The following SLC39A11 variants were observed in gnomAD, a reference collection of about 807,000 sequenced individuals.
The protein encoded by SLC39A11 is solute carrier family 39 member 11.
A neutral mutation model predicts 36.1 loss-of-function variants in SLC39A11; 33 were observed. The ratio of observed to expected loss-of-function variants is 0.91; its 90% CI spans 0.69 to 1.22. The LOEUF is 1.22. Among genes scored for constraint, SLC39A11 ranks in the 50% most tolerant of loss-of-function variants. The pLI, the probability that SLC39A11 is intolerant of heterozygous loss-of-function variation, is 0.00. For missense variants in SLC39A11, 432 were observed against 430.3 expected, an observed-to-expected ratio of 1.00 and a Z score of -0.03; for synonymous variants, 166 against 170.3, an observed-to-expected ratio of 0.97 and a Z score of 0.20.
In SLC39A11 at chr17:72,927,685, C is replaced by T. The variant is rs1567968262; in HGVS notation, c.430+20067G>A. Among the ~76,000 whole-genome samples, 8 of 152,122 alleles carry T rather than the reference C, an allele frequency of 5.3e-5. No individual in the cohort carries two copies. The South Asian group carries it at 1.7e-3, about 32-fold the overall frequency. On this transcript the variant is annotated intron_variant, in intron 5 of 9. Transcript: ENST00000255559. ...AGTGTGTGCTTCCAATGCATAATTA[C>T]CTTTCATTTTCCCATAGAATTTCAG...
At chr17:72,786,420 T>C (rs1428600714) in intron 6 of SLC39A11, among the ~76,000 whole-genome samples, 1 of 152,210 alleles carries the variant, frequency 6.6e-6, no homozygotes, top group Non-Finnish European at 1.5e-5. Flanking sequence ...AAATGTGCTA[T>C]ATACCCTCCC....
intron 6 of SLC39A11, among the ~76,000 whole-genome samples, chr17:72,738,149 C>T (rs1568009090): frequency 6.6e-6 from 1 of 152,060 alleles, no homozygotes; most frequent in South Asian, 2.1e-4. Flanking sequence ...GGACTACAGG[C>T]GCCCGCTACC....
intron 4 of SLC39A11, among the ~76,000 whole-genome samples, chr17:73,001,810 C>T (rs2089839429): frequency 6.6e-6 from 1 of 152,088 alleles, no homozygotes; most frequent in African/African-American, 2.4e-5. Context: ...ACTCAGAGCC[C>T]ACAGGTCCCC....
intron 6 of SLC39A11, among the ~76,000 whole-genome samples, chr17:72,743,748 G>C (rs141863888): frequency 3.9e-5 from 6 of 152,274 alleles, no homozygotes; most frequent in East Asian, 1.9e-4. Flanking sequence ...GAACTCACTG[G>C]GGGGAAAAGG....
Position 72,947,908 on chromosome 17 carries a change from C to T in SLC39A11, c.307-33G>A, listed in dbSNP as rs201076574. ...AAGAAGCGGTAACATCACTAGAGCACCACTACTGTGTTAATTCCCCAGATG... is the reference window on the plus strand; with the variant it reads ...AAGAAGCGGTAACATCACTAGAGCATCACTACTGTGTTAATTCCCCAGATG... On this transcript the variant is annotated intron_variant, in intron 4 of 9. Transcript: ENST00000255559. 1.4e-4 allele frequency: 219 copies of T among 1,610,184 alleles called. No individual in the cohort carries two copies. The African/African-American group carries it at 2.6e-3, about 19-fold the overall frequency.
At chr17:72,764,211 G>C in intron 6 of SLC39A11, among the ~76,000 whole-genome samples, 1 of 152,026 alleles carries the variant, frequency 6.6e-6, no homozygotes, top group East Asian at 1.9e-4. Flanking sequence ...TCCCTGTGGC[G>C]GAGGGAGGAG....
chr17:73,050,128 G>GCAAA (rs1314151754), intron 3 of SLC39A11, among the ~76,000 whole-genome samples: 4 of 151,874 alleles, frequency 2.6e-5, no homozygotes, highest in Admixed American at 1.3e-4. Context: ...CTATTTAAAA[G>GCAAA]CAAACAAACA....
intron 5 of SLC39A11, among the ~76,000 whole-genome samples, chr17:72,885,201 C>A (rs990669165): frequency 2.6e-5 from 4 of 152,162 alleles, no homozygotes; most frequent in Non-Finnish European, 5.9e-5. Flanking sequence ...GACAGCTATT[C>A]CTCAGTTTTT....
chr17:73,057,646 T>C (rs886779178), intron 3 of SLC39A11, among the ~76,000 whole-genome samples: 3 of 152,170 alleles, frequency 2.0e-5, no homozygotes, highest in South Asian at 4.1e-4. Flanking sequence ...AGTTAGAAAA[T>C]GCAGGCTGAG....
rs749916210 is a variant in SLC39A11, at chr17:72,874,474, G to A, written c.431-24670C>T. ...TGAGGCGTCCATCTGCAAGGCTGTC[G>A]CAGGGATGCTGAGCAAAGCTGACAC... On this transcript the variant is annotated intron_variant, in intron 5 of 9. Coordinates refer to ENST00000255559, the MANE Select transcript of SLC39A11 (RefSeq NM_139177.4). 4.6e-5 allele frequency among the ~76,000 whole-genome samples: 7 copies of A among 152,268 alleles called. No individual in the cohort carries two copies. The South Asian group carries it at 6.2e-4, about 14-fold the overall frequency.
chr17:72,825,310 C>G (rs766338716), intron 6 of SLC39A11, among the ~76,000 whole-genome samples: 1 of 152,208 alleles, frequency 6.6e-6, no homozygotes, highest in Non-Finnish European at 1.5e-5. Context: ...GTGGCTTCCA[C>G]GTGGTGGTAA....
At chr17:72,828,419 C>T (rs924874517) in intron 6 of SLC39A11, among the ~76,000 whole-genome samples, 23 of 152,146 alleles carry the variant, frequency 1.5e-4, no homozygotes, top group Non-Finnish European at 2.1e-4. Context: ...TCGGAAAAGG[C>T]GAAGAAATTG....
At chr17:72,649,055 C>T in intron 8 of SLC39A11, 94 bp from the exon 9 acceptor site, 2 of 1,542,698 alleles carry the variant, frequency 1.3e-6, no homozygotes, top group Non-Finnish European at 1.8e-6. Flanking sequence ...CACATGGATG[C>T]ATGCCATTCT....
chr17:72,895,244 T>G (rs1318107312), intron 5 of SLC39A11, among the ~76,000 whole-genome samples: 2 of 152,036 alleles, frequency 1.3e-5, no homozygotes, highest in Non-Finnish European at 2.9e-5. Flanking sequence ...CCTGAGATGT[T>G]AGTGCACAGG....
At chr17:72,847,233 T>C (rs1023291949) in intron 6 of SLC39A11, among the ~76,000 whole-genome samples, 1 of 152,006 alleles carries the variant, frequency 6.6e-6, no homozygotes. Flanking sequence ...TGAAACCCCG[T>C]CTCTTCGAAA....
At chr17:72,692,869 C>G (rs544072466) in intron 7 of SLC39A11, among the ~76,000 whole-genome samples, 2 of 152,302 alleles carry the variant, frequency 1.3e-5, no homozygotes, top group East Asian at 3.9e-4. Flanking sequence ...TGGATCTCAG[C>G]AGCACCTCAT....
At chr17:73,067,986 T>C in intron 3 of SLC39A11, 1 of 1,594,210 alleles carries the variant, frequency 6.3e-7, no homozygotes. Context: ...TTCACATAAA[T>C]AAACAACTGT....
intron 6 of SLC39A11, among the ~76,000 whole-genome samples, chr17:72,820,949 G>A (rs2077752900): frequency 6.7e-6 from 1 of 148,822 alleles, no homozygotes; most frequent in Admixed American, 6.8e-5. Context: ...AATGTCTGCC[G>A]TATTATAAGG....
chr17:72,782,688 A>C (rs2076359564), intron 6 of SLC39A11, among the ~76,000 whole-genome samples: 3 of 16,434 alleles, frequency 1.8e-4, no homozygotes, highest in Non-Finnish European at 4.2e-4. Context: ...ACCCCATCTC[A>C]AAAAAAAAAA....
Sources: allele counts gnomAD v4.1 joint callset (sites outside exome capture counted in the v4.1 genomes callset), GRCh38; gene constraint gnomAD v4.1.1; transcripts MANE v1.5; gene names NCBI Gene and HGNC (gene_info 2026-07-23, HGNC 2026-07-21).